Variants in FLCN observed in about 807,000 individuals in gnomAD.
FLCN encodes BHD skin lesion fibrofolliculoma protein.
In FLCN, 22 loss-of-function variants were observed where a neutral mutation model predicts 62.5. That is an observed-to-expected ratio of 0.35 (90% confidence interval 0.25 to 0.50). The LOEUF (loss-of-function observed/expected upper bound fraction) is 0.50, where lower values mean the gene tolerates loss of function less well. Among genes scored for constraint, FLCN ranks in the 20% least tolerant of loss-of-function variants. The pLI is 0.97. For synonymous variants in FLCN, 319 were observed against 310.0 expected, an observed-to-expected ratio of 1.03 and a Z score of -0.30; for missense variants, 657 against 778.0, an observed-to-expected ratio of 0.84 and a Z score of 1.85.
chr17:17,225,251 A>T (rs2047214301), intron 5 of FLCN: 1 of 152,390 alleles, frequency 6.6e-6, no homozygotes, highest in African/African-American at 2.4e-5. Flanking sequence ...TGAACCACCT[A>T]ACCTAGAAAT....
At chr17:17,226,502 G>T (rs1352498089) in intron 4 of FLCN, among the ~76,000 whole-genome samples, 180 bp from the exon 5 acceptor site, 1 of 152,204 alleles carries the variant, frequency 6.6e-6, no homozygotes, top group African/African-American at 2.4e-5. Context: ...AGAACACAGA[G>T]ATCGCAGAGA....
intron 1 of FLCN, 107 bp downstream of exon 1, chr17:17,236,805 G>C (rs1449169724): frequency 1.3e-5 from 2 of 152,288 alleles, no homozygotes; most frequent in East Asian, 3.9e-4. Context: ...TCAGGGTCTC[G>C]GCGACGCCCT....
In FLCN at chr17:17,236,671, G is replaced by A. The variant is rs564156507; in HGVS notation, c.-228+241C>T. Among the ~76,000 whole-genome samples the A allele has an allele frequency of 1.4e-3, 217 of 152,274 alleles. 2 individuals carry two copies. Among genetic ancestry groups the A allele is most frequent in the African/African-American group, 5.1e-3 (212 of 41,546 alleles). On this transcript the variant is annotated intron_variant, in intron 1 of 13. Transcript: ENST00000285071. ...ACACACACCCTCTCCTCCAAACAGAGCGAAGACAAAACCTGGGAGAAGGGA... is the reference window on the plus strand; with the variant it reads ...ACACACACCCTCTCCTCCAAACAGAACGAAGACAAAACCTGGGAGAAGGGA...
At chr17:17,235,546 G>GC (rs1187624142) in intron 1 of FLCN, 1 of 152,262 alleles carries the variant, frequency 6.6e-6, no homozygotes, top group African/African-American at 2.4e-5. Flanking sequence ...GGCCCAGGCA[G>GC]CCCCTGAAAG....
intron 3 of FLCN, chr17:17,228,630 AG>A: frequency 5.6e-6 from 1 of 177,564 alleles, no homozygotes; most frequent in Non-Finnish European, 1.2e-5. Context: ...TACCTCCTGC[AG>A]GGGGTCGGCG....
At position 17,221,494 on chromosome 17, in the gene FLCN, G is replaced by A. The variant is rs1353479689; in HGVS notation, c.871+43C>T. 1.1e-5 allele frequency: 17 copies of A among 1,613,858 alleles called. No homozygotes were observed. Among genetic ancestry groups the A allele is most frequent in the Non-Finnish European group, 1.4e-5 (17 of 1,180,020 alleles). On this transcript the variant is annotated intron_variant, in intron 8 of 13. Coordinates refer to ENST00000285071, the MANE Select transcript of FLCN (RefSeq NM_144997.7). ...GAGCAGACAGCTGGTACCGCCCCAC[G>A]GCCATCCGGGCCAAGGCCCCGGCAA...
chr17:17,215,464 T>C, intron 11 of FLCN, 148 bp from the exon 12 acceptor site: 1 of 1,263,492 alleles, frequency 7.9e-7, no homozygotes, highest in Admixed American at 1.8e-5. Flanking sequence ...TGCTTTGGTA[T>C]TTAAAACCTT....
Position 17,222,758 on chromosome 17 carries a change from G to A in FLCN, c.619-97C>T, listed in dbSNP as rs1345126389. The stretch of plus-strand genomic sequence containing the variant: ...AGCCAACTCCAGGACCTGACTCCTG[G>A]AGGATCAGTCCCACTATACTCTCTC... On this transcript the variant is annotated intron_variant, in intron 6 of 13. Transcript: ENST00000285071. 19 of 1,447,006 alleles carry A rather than the reference G, an allele frequency of 1.3e-5. No individual in the cohort carries two copies. In the East Asian group the frequency reaches 3.7e-4, roughly 28 times the overall value. The allele number at this position is 1,447,006 out of a possible 1,614,324, so 89.6% of individuals were successfully genotyped here. A position where few individuals can be genotyped will look rare whatever the true frequency, so the allele number is the denominator to read the frequency against.
At chr17:17,228,429 G>A (rs1396296940) in intron 3 of FLCN, 9 of 450,650 alleles carry the variant, frequency 2.0e-5, no homozygotes, top group African/African-American at 1.2e-4. Flanking sequence ...CAGAGCCACA[G>A]CCACAAAGCC....
Position 17,219,089 on chromosome 17 carries a change from G to C in FLCN, c.992C>G (p.Ser331Cys), listed in dbSNP as rs202215080. The change falls in exon 9 of 14, where the codon TCT becomes TGT. Residue 331 changes from serine (S) to cysteine (C), a missense_variant. Transcript: ENST00000285071. ...CTGCCAGCTCCCACAGCCTGAGAGA[G>C]AGGAGGACTCTGCCGGGCCCTGGGT... ...ELTQGPAESS[S>C]LSGCGSWQPR... 6.2e-7 allele frequency: 1 copy of C among 1,614,168 alleles called. No homozygotes were observed. The highest frequency in any genetic ancestry group is 8.5e-7 in the Non-Finnish European group (1 of 1,180,034).
intron 11 of FLCN, among the ~76,000 whole-genome samples, chr17:17,215,767 G>A (rs937961401): frequency 2.0e-5 from 3 of 152,178 alleles, no homozygotes; most frequent in Non-Finnish European, 4.4e-5. Flanking sequence ...ACCCAGCCTG[G>A]GTGCTGATTG....
rs995213015 is a variant in FLCN at position 17,213,345 on chromosome 17, T to C, written c.*310A>G. 14 of 521,550 alleles carry C rather than the reference T, an allele frequency of 2.7e-5. No individual in the cohort carries two copies. The highest frequency in any genetic ancestry group is 2.3e-4 in the African/African-American group (12 of 52,720). 32.3% of individuals were successfully genotyped at this position (521,550 alleles called of 1,614,324 possible). A position where few individuals can be genotyped will look rare whatever the true frequency, so the allele number is the denominator to read the frequency against. ...CTGTTTCTCCTGCGGGTTTTGAGTC[T>C]AAGTCCACAAGGGGCCTGGGAGGCA... On this transcript the variant is annotated 3_prime_UTR_variant, in exon 14 of 14. Transcript: ENST00000285071.
chr17:17,234,523 G>C (rs1356366258), intron 1 of FLCN, among the ~76,000 whole-genome samples: 2 of 151,254 alleles, frequency 1.3e-5, no homozygotes, highest in African/African-American at 4.9e-5. Flanking sequence ...CCAAAACATG[G>C]GCTACTCTTA....
At position 17,219,064 on chromosome 17, in the gene FLCN, C is replaced by T; in HGVS notation, c.1017G>A (p.Gln339=). ...ACTTGAAGACTGGCAGCTTCCGGGG[C>T]TGCCAGCTCCCACAGCCTGAGAGAG... ...SSSLSGCGSW[Q]PRKLPVFKSL... The change falls in exon 9 of 14, where the codon CAG becomes CAA. Residue 339 remains glutamine, a synonymous_variant. Transcript: ENST00000285071. 1 of 1,613,920 alleles carries T rather than the reference C, an allele frequency of 6.2e-7. No homozygotes were observed. The highest frequency in any genetic ancestry group is 8.5e-7 in the Non-Finnish European group (1 of 1,179,968).
Position 17,226,268 on chromosome 17 carries a change from T to C in FLCN, c.304A>G (p.Thr102Ala). Residue 102 changes from threonine (T) to alanine (A), a missense_variant, in exon 5 of 14, where the codon ACC (threonine) becomes GCC (alanine). Thr to Ala is a moderately conservative substitution (Grantham distance 58). Transcript: ENST00000285071. ...TGGTGGCTGACGTATTTAATGGAGG[T>C]CTCTTTATCATGGCTGATATATCCC... ...HPGYISHDKE[T>A]SIKYVSHQHP... 2 of 1,613,912 alleles carry C rather than the reference T, an allele frequency of 1.2e-6. No individual in the cohort carries two copies. The highest frequency in any genetic ancestry group is 1.7e-6 in the Non-Finnish European group (2 of 1,179,970).
rs1286890611 is a variant in FLCN at position 17,215,316 on chromosome 17, T to C, written c.1301A>G (p.Glu434Gly). The change falls in exon 12 of 14, where the codon GAG (glutamate) becomes GGG (glycine). Residue 434 changes from glutamate (E) to glycine (G), a missense_variant and splice_region_variant. Coordinates refer to ENST00000285071, the MANE Select transcript of FLCN (RefSeq NM_144997.7). The part of the protein sequence containing the change: ...VQIPPHVLSS[E>G]FAVIVEVHAA... The stretch of plus-strand genomic sequence containing the variant: ...GTGGACCTCCACGATGACAGCAAAC[T>C]CTGTAACAACACAAGGCCCGTGGCT... 8 of 1,613,746 alleles carry C rather than the reference T, an allele frequency of 5.0e-6. No homozygotes were observed. Among genetic ancestry groups the C allele is most frequent in the Admixed American group, 1.7e-5 (1 of 59,996 alleles).
intron 1 of FLCN, among the ~76,000 whole-genome samples, chr17:17,235,109 CAAAAAAAAA>C (rs34695824): frequency 4.2e-5 from 3 of 70,622 alleles, no homozygotes; most frequent in African/African-American, 5.8e-5. Flanking sequence ...GACTCCATTT[CAAAAAAAAA>C]AAAAAAAAAA....
chr17:17,221,921 G>A (rs1051255121), intron 7 of FLCN, among the ~76,000 whole-genome samples: 7 of 152,072 alleles, frequency 4.6e-5, no homozygotes, highest in Non-Finnish European at 1.0e-4. Context: ...GAGACAAAAG[G>A]TAAACTGCAC....
Position 17,224,160 on chromosome 17 carries a change from G to T in FLCN, c.397-17C>A. 1 of 1,559,184 alleles carries T rather than the reference G, an allele frequency of 6.4e-7. No homozygotes were observed. ...AGGGCAGACCTGGAGGGACACCGGC[G>T]ACTCAGACAGCCCTTTCCTCGCTTA... On this transcript the variant is annotated splice_polypyrimidine_tract_variant and intron_variant, in intron 5 of 13. Transcript: ENST00000285071.
Sources: allele counts gnomAD v4.1 joint callset (sites outside exome capture counted in the v4.1 genomes callset), GRCh38; gene constraint gnomAD v4.1.1; transcripts MANE v1.5; gene names NCBI Gene and HGNC (gene_info 2026-07-23, HGNC 2026-07-21).